The following IL1RL2 variants were observed in gnomAD, a reference collection of about 807,000 sequenced individuals.
IL1RL2 encodes the protein interleukin 1 receptor like 2, also known as interleukin-1 receptor-like 2.
Under a neutral mutation model 66.8 loss-of-function variants are expected in IL1RL2, and 68 were observed. That is an observed-to-expected ratio of 1.02 (90% CI 0.84 to 1.25). The LOEUF (loss-of-function observed/expected upper bound fraction) is 1.25. IL1RL2 is among the 50% of genes most tolerant of loss of function. The pLI, the probability that IL1RL2 is intolerant of heterozygous loss-of-function variation, is 0.00. For synonymous variants in IL1RL2, 305 were observed against 264.6 expected (o/e 1.15, Z -1.48); for missense variants, 729 against 709.3 (o/e 1.03, Z -0.32).
intron 6 of IL1RL2, among the ~76,000 whole-genome samples, chr2:102,215,879 C>T (rs1689572237): frequency 6.6e-6 from 1 of 152,176 alleles, no homozygotes; most frequent in African/African-American, 2.4e-5. Context: ...AAGTCTTTCT[C>T]TAATAAAGCT....
chr2:102,187,086 G>A lies in IL1RL2; in HGVS notation c.-13G>A. 7.8e-7 allele frequency: 1 copy of A among 1,289,884 alleles called. No homozygotes were observed. Among genetic ancestry groups the A allele is most frequent in the Non-Finnish European group, 1.0e-6 (1 of 988,850 alleles). The allele number at this position is 1,289,884 out of a possible 1,614,324, so 79.9% of individuals were successfully genotyped here. ...CCTGCGCGCTTCAATCCTGCAGGCA[G>A]GTAGACACCGGGCCGGGAGTCTGGC... On this transcript the variant is annotated splice_region_variant and 5_prime_UTR_variant, in exon 1 of 12. Transcript: ENST00000264257.
intron 2 of IL1RL2, among the ~76,000 whole-genome samples, chr2:102,188,790 A>C (rs1248074804): frequency 1.3e-5 from 2 of 152,076 alleles, no homozygotes; most frequent in Non-Finnish European, 2.9e-5. Flanking sequence ...GTGGATGAAA[A>C]GAACTAAGGG....
intron 5 of IL1RL2, among the ~76,000 whole-genome samples, chr2:102,208,988 G>A (rs996878088): frequency 3.3e-5 from 5 of 152,180 alleles, no homozygotes; most frequent in Non-Finnish European, 2.9e-5. Flanking sequence ...CCAGTGCCTG[G>A]CCTAGACTAG....
chr2:102,241,801 C>T (rs559215738), downstream of IL1RL2, among the ~76,000 whole-genome samples: 13 of 152,288 alleles, frequency 8.5e-5, no homozygotes, highest in African/African-American at 2.4e-4. Context: ...AGTGTATCAC[C>T]GGCTGGGTAT....
intron 8 of IL1RL2, among the ~76,000 whole-genome samples, chr2:102,225,452 G>T (rs6752537): frequency 6.6e-6 from 1 of 152,194 alleles, no homozygotes; most frequent in African/African-American, 2.4e-5. Context: ...ACTTTGAATG[G>T]CTGGGAAAGC....
Position 102,235,288 on chromosome 2 carries a change from G to A in IL1RL2, c.1678+11G>A, listed in dbSNP as rs368887235. On this transcript the variant is annotated intron_variant, in intron 11 of 11. Transcript: ENST00000264257. Reference sequence around the variant, plus strand: ...GCTACCGCACCGCAGGTGAGCGGGTGGGAGGACACGAGGTTTGTCACGCAC... The same window carrying A: ...GCTACCGCACCGCAGGTGAGCGGGTAGGAGGACACGAGGTTTGTCACGCAC... 2 of 1,608,426 alleles carry A rather than the reference G, an allele frequency of 1.2e-6. No individual in the cohort carries two copies. The highest frequency in any genetic ancestry group is 2.7e-5 in the African/African-American group (2 of 74,882).
intron 4 of IL1RL2, among the ~76,000 whole-genome samples, chr2:102,194,806 A>G (rs774416069): frequency 6.6e-6 from 1 of 151,934 alleles, no homozygotes; most frequent in South Asian, 2.1e-4. Flanking sequence ...GGAGTGTGGT[A>G]GTGCAATCAT....
In IL1RL2 at chr2:102,219,004, A is replaced by T. The variant is rs753570729; in HGVS notation, c.776A>T (p.Asn259Ile). Residue 259 changes from asparagine (N) to isoleucine (I), a missense_variant, in exon 7 of 12, where the codon AAT becomes ATT. By Grantham distance (149) the Asn-to-Ile change is moderately radical. Transcript: ENST00000264257. ...GTAACAGACACCAAGGATAATACAAATCTACGATGCTGGAGAGTCAATAAC... is the reference window on the plus strand; with the variant it reads ...GTAACAGACACCAAGGATAATACAATTCTACGATGCTGGAGAGTCAATAAC... The part of the protein sequence containing the change: ...CNVTDTKDNT[N>I]LRCWRVNNTL... 1.2e-6 allele frequency: 2 copies of T among 1,613,842 alleles called. No homozygotes were observed. The highest frequency in any genetic ancestry group is 1.7e-6 in the Non-Finnish European group (2 of 1,179,724).
At chr2:102,231,825 A>T (rs1691163643) in intron 9 of IL1RL2, among the ~76,000 whole-genome samples, 1 of 152,270 alleles carries the variant, frequency 6.6e-6, no homozygotes, top group Non-Finnish European at 1.5e-5. Flanking sequence ...AGTCTGCTCA[A>T]TTGCTTTTTC....
chr2:102,238,376 G>A (rs1675054216), intron 11 of IL1RL2, among the ~76,000 whole-genome samples: 1 of 152,162 alleles, frequency 6.6e-6, no homozygotes, highest in South Asian at 2.1e-4. Context: ...TTTCCCCGGA[G>A]GACCAAGCAA....
intron 5 of IL1RL2, among the ~76,000 whole-genome samples, chr2:102,210,725 G>A (rs992957955): frequency 6.6e-6 from 1 of 152,158 alleles, no homozygotes; most frequent in African/African-American, 2.4e-5. Flanking sequence ...TGGCTCTGGA[G>A]GAAAACCAGA....
chr2:102,220,157 G>A (rs1369278369), intron 8 of IL1RL2, 140 bp downstream of exon 8: 4 of 690,738 alleles, frequency 5.8e-6, no homozygotes, highest in Non-Finnish European at 8.5e-6. Context: ...ATGAAATCTA[G>A]GGAAAATCTC....
intron 8 of IL1RL2, among the ~76,000 whole-genome samples, chr2:102,224,537 G>T (rs1054017149): frequency 2.0e-5 from 3 of 152,198 alleles, no homozygotes; most frequent in Non-Finnish European, 4.4e-5. Flanking sequence ...TGAAGGTAGA[G>T]AGAAGAATGG....
chr2:102,204,782 G>C (rs543347283), intron 5 of IL1RL2, among the ~76,000 whole-genome samples: 14 of 151,832 alleles, frequency 9.2e-5, no homozygotes, highest in Non-Finnish European at 1.0e-4. Context: ...AACAATCAAT[G>C]GGTCTTGTTT....
chr2:102,220,679 ATGTGTGTG>A (rs3074966), intron 8 of IL1RL2, among the ~76,000 whole-genome samples: 1 of 150,332 alleles, frequency 6.7e-6, no homozygotes, highest in Non-Finnish European at 1.5e-5. Flanking sequence ...TCATTAGTGT[ATGTGTGTG>A]TGTGTGTGTG....
At chr2:102,226,902 A>G (rs1438816670) in intron 9 of IL1RL2, among the ~76,000 whole-genome samples, 1 of 152,244 alleles carries the variant, frequency 6.6e-6, no homozygotes, top group African/African-American at 2.4e-5. Flanking sequence ...GGCCTGGGCC[A>G]CAGGGCGGCC....
chr2:102,192,497 T>A (rs1687320541), intron 4 of IL1RL2, among the ~76,000 whole-genome samples: 1 of 152,192 alleles, frequency 6.6e-6, no homozygotes, highest in African/African-American at 2.4e-5. Context: ...CCGTTCCATA[T>A]TTGTTCTGGG....
chr2:102,240,366 T>G (rs1675196511), downstream of IL1RL2, among the ~76,000 whole-genome samples: 1 of 117,592 alleles, frequency 8.5e-6, no homozygotes, highest in Admixed American at 8.0e-5. Flanking sequence ...TCCTCCTTTT[T>G]TTTTTTTTTT....
chr2:102,222,283 T>G (rs1690208799), intron 8 of IL1RL2, among the ~76,000 whole-genome samples: 1 of 152,196 alleles, frequency 6.6e-6, no homozygotes, highest in Non-Finnish European at 1.5e-5. Flanking sequence ...GGGCTATAAA[T>G]ATGTGGTTTG....
Sources: allele counts gnomAD v4.1 joint callset (sites outside exome capture counted in the v4.1 genomes callset), GRCh38; gene constraint gnomAD v4.1.1; transcripts MANE v1.5; gene names NCBI Gene and HGNC (gene_info 2026-07-23, HGNC 2026-07-21).